UTP6: variants seen among roughly 807,000 people sequenced by gnomAD.
The protein encoded by UTP6 is U3 small nucleolar RNA-associated protein 6 homolog.
In UTP6, 60 loss-of-function variants were observed where a neutral mutation model predicts 96.5. The ratio of observed to expected loss-of-function variants is 0.62; its 90% CI spans 0.51 to 0.77. The LOEUF (loss-of-function observed/expected upper bound fraction) is 0.77, where lower values mean the gene tolerates loss of function less well. UTP6 is among the 30% of genes least tolerant of loss of function. The pLI, the probability that UTP6 is intolerant of heterozygous loss-of-function variation, is 0.00. For synonymous variants in UTP6, 215 were observed against 240.1 expected (o/e 0.90, Z 0.96); for missense variants, 637 against 706.5 (o/e 0.90, Z 1.12).
Position 31,892,810 on chromosome 17 carries a change from T to G in UTP6, c.313-16A>C. 1 of 1,613,974 alleles carries G rather than the reference T, an allele frequency of 6.2e-7. No individual in the cohort carries two copies. Among genetic ancestry groups the G allele is most frequent in the South Asian group, 1.1e-5 (1 of 91,052 alleles). On this transcript the variant is annotated splice_polypyrimidine_tract_variant and intron_variant, in intron 4 of 18. Transcript: ENST00000261708. ...GAACATCGTCCTGCAAGAAAAGCAA[T>G]GTAGTAAGCTGCCCAAATTTGACCT...
Position 31,863,606 on chromosome 17 carries a change from A to G in UTP6, c.1637-90T>C, listed in dbSNP as rs181281017. On this transcript the variant is annotated intron_variant, in intron 18 of 18. Coordinates refer to ENST00000261708, the MANE Select transcript of UTP6 (RefSeq NM_018428.3). ...TCAATTCAACTCAAGATTTCTAAGA[A>G]ACTTAACTTCTCATTGTTACTTCCC... 300 of 1,210,722 alleles carry G rather than the reference A, an allele frequency of 2.5e-4. No homozygotes were observed. The African/African-American group carries it at 3.4e-3, about 14-fold the overall frequency. 75.0% of individuals were successfully genotyped at this position (1,210,722 alleles called of 1,614,324 possible).
chr17:31,893,874 C>CA (rs1167892938), intron 4 of UTP6, among the ~76,000 whole-genome samples: 2 of 151,904 alleles, frequency 1.3e-5, no homozygotes, highest in Non-Finnish European at 2.9e-5. Context: ...CACAATGCTC[C>CA]AAAAAAACTT....
In UTP6 at chr17:31,872,014, C is replaced by T. The variant is rs968536093; in HGVS notation, c.1496+1364G>A. 2.6e-5 allele frequency among the ~76,000 whole-genome samples: 4 copies of T among 151,736 alleles called. No individual in the cohort carries two copies. The East Asian group carries it at 5.8e-4, about 22-fold the overall frequency. On this transcript the variant is annotated intron_variant, in intron 16 of 18. Coordinates refer to ENST00000261708, the MANE Select transcript of UTP6 (RefSeq NM_018428.3). ...TTCGAGACCAGCCTAGCCAACATGG[C>T]AAAAACCCTTATCTACTAAAAATAT...
chr17:31,868,202 A>AAC (rs1909939517), intron 16 of UTP6, 90 bp from the exon 17 acceptor site: 1 of 1,166,478 alleles, frequency 8.6e-7, no homozygotes, highest in Non-Finnish European at 1.2e-6. Context: ...GTGCCTCCAC[A>AAC]ACACATGGTT....
intron 2 of UTP6, among the ~76,000 whole-genome samples, chr17:31,895,401 C>G (rs1261327832): frequency 4.6e-5 from 7 of 152,180 alleles, no homozygotes; most frequent in Non-Finnish European, 8.8e-5. Flanking sequence ...ACTCTTCTCC[C>G]TCTCCAGAGG....
At chr17:31,879,235 C>T (rs1910682255) in intron 11 of UTP6, among the ~76,000 whole-genome samples, 1 of 151,866 alleles carries the variant, frequency 6.6e-6, no homozygotes, top group African/African-American at 2.4e-5. Context: ...ACTAAAAATA[C>T]AAAAATCCAT....
At chr17:31,874,070 T>C in intron 14 of UTP6, 1 of 270,562 alleles carries the variant, frequency 3.7e-6, no homozygotes, top group South Asian at 5.7e-5. Flanking sequence ...TTCCTTTCTA[T>C]TGGGAAATAT....
At chr17:31,896,898 C>T (rs1345103151) in intron 2 of UTP6, among the ~76,000 whole-genome samples, 2 of 151,902 alleles carry the variant, frequency 1.3e-5, no homozygotes, top group Admixed American at 6.6e-5. Context: ...ACACGTGAGC[C>T]GCCACGCCCC....
chr17:31,881,170 C>CA (rs941055533), intron 10 of UTP6, among the ~76,000 whole-genome samples: 259 of 119,810 alleles, frequency 2.2e-3, no homozygotes, highest in Admixed American at 3.1e-3. Context: ...GACTCTGTCT[C>CA]AAAAAAAAAA....
At chr17:31,887,448 A>T in intron 7 of UTP6, 135 bp from the exon 8 acceptor site, 1 of 654,498 alleles carries the variant, frequency 1.5e-6, no homozygotes, top group Non-Finnish European at 2.7e-6. Flanking sequence ...CCTGCACTCA[A>T]GTGATCCCCT....
chr17:31,885,861 A>T (rs1270134745), intron 9 of UTP6, 119 bp downstream of exon 9: 1 of 778,776 alleles, frequency 1.3e-6, no homozygotes, highest in East Asian at 2.6e-5. Context: ...GAAACAGGAC[A>T]CTATTCCTAC....
intron 16 of UTP6, among the ~76,000 whole-genome samples, chr17:31,869,678 C>T (rs1910041871): frequency 6.6e-6 from 1 of 152,136 alleles, no homozygotes; most frequent in East Asian, 1.9e-4. Flanking sequence ...TTAATTTCAA[C>T]TTTTATTTTA....
At chr17:31,885,045 CA>C (rs1027194599) in intron 9 of UTP6, 28 of 147,106 alleles carry the variant, frequency 1.9e-4, no homozygotes, top group Non-Finnish European at 3.6e-4. Flanking sequence ...GACCCTGTCT[CA>C]AAAAAAAAAC....
intron 7 of UTP6, among the ~76,000 whole-genome samples, chr17:31,889,069 C>CAA (rs375965500): frequency 1.4e-5 from 2 of 143,412 alleles, no homozygotes; most frequent in Non-Finnish European, 1.5e-5. Flanking sequence ...AAGACTGTCT[C>CAA]AAAAAAAAAA....
chr17:31,869,470 C>T (rs760037309), intron 16 of UTP6, among the ~76,000 whole-genome samples: 1 of 151,858 alleles, frequency 6.6e-6, no homozygotes, highest in Non-Finnish European at 1.5e-5. Context: ...TGAGCCACCA[C>T]GCCTGGCCTC....
At chr17:31,901,137 G>A (rs1663242114) in intron 1 of UTP6, among the ~76,000 whole-genome samples, 1 of 152,040 alleles carries the variant, frequency 6.6e-6, no homozygotes, top group African/African-American at 2.4e-5. Flanking sequence ...CACTCCCCCT[G>A]GGCTCTCACA....
At chr17:31,864,294 C>T (rs1472235990) in intron 18 of UTP6, among the ~76,000 whole-genome samples, 3 of 152,010 alleles carry the variant, frequency 2.0e-5, no homozygotes, top group East Asian at 1.9e-4. Flanking sequence ...GGCTGAGGCA[C>T]GAGAATCGCT....
At chr17:31,881,267 CTT>C (rs202102116) in intron 10 of UTP6, among the ~76,000 whole-genome samples, 38 of 132,828 alleles carry the variant, frequency 2.9e-4, no homozygotes, top group Admixed American at 7.6e-4. Flanking sequence ...CACTTTTTCA[CTT>C]TTTTTTTTTT....
In UTP6 at chr17:31,885,993, T is replaced by C. The variant is rs1278939399; in HGVS notation, c.690A>G (p.Val230=). The C allele has an allele frequency of 1.2e-6, 2 of 1,613,178 alleles. No homozygotes were observed. The highest frequency in any genetic ancestry group is 8.5e-7 in the Non-Finnish European group (1 of 1,179,726). ...AAAGATACCTACCTTTAATTATGCT[T>C]ACAGAATTTTTGTAGATGATCCATG... ...ELAWIIYKNS[V]SIIKGAEFHV... Residue 230 remains valine, a synonymous_variant, in exon 9 of 19, where the codon GTA becomes GTG. Transcript: ENST00000261708.
Sources: gnomAD v4.1 joint callset for allele counts (sites outside exome capture counted in the v4.1 genomes callset) on GRCh38, gnomAD v4.1.1 for gene constraint, MANE v1.5 for transcripts, NCBI Gene and HGNC (gene_info 2026-07-23, HGNC 2026-07-21) for gene names.